Variants in DGKB observed in about 807,000 individuals in gnomAD.
The protein encoded by DGKB is 90 kDa diacylglycerol kinase.
A neutral mutation model predicts 114.3 loss-of-function variants in DGKB; 67 were observed. That is an observed-to-expected ratio of 0.59 (90% CI 0.48 to 0.72). DGKB has a LOEUF of 0.72. Ranked by LOEUF, DGKB falls within the 30% of genes least tolerant of loss-of-function variation. The pLI is 0.00. For missense variants in DGKB, 907 were observed against 975.2 expected (o/e 0.93, Z 0.93); for synonymous variants, 398 against 323.1 (o/e 1.23, Z -2.49).
chr7:14,803,695 T>C (rs925991078), intron 2 of DGKB, among the ~76,000 whole-genome samples: 3 of 152,116 alleles, frequency 2.0e-5, no homozygotes, highest in Non-Finnish European at 4.4e-5. Flanking sequence ...TACTAAGATC[T>C]TTCCTCGTTC....
intron 1 of DGKB, among the ~76,000 whole-genome samples, chr7:14,900,665 A>T (rs1782878610): frequency 6.6e-6 from 1 of 152,264 alleles, no homozygotes. Context: ...TAAATTGTTA[A>T]AACAATTTAA....
At chr7:14,644,085 A>C (rs1812415722) in intron 13 of DGKB, among the ~76,000 whole-genome samples, 1 of 151,762 alleles carries the variant, frequency 6.6e-6, no homozygotes, top group African/African-American at 2.4e-5. Flanking sequence ...ACTACTGAGA[A>C]AATCACATAT....
chr7:14,963,635 A>G (rs1786987394), intron 1 of DGKB, among the ~76,000 whole-genome samples: 1 of 152,182 alleles, frequency 6.6e-6, no homozygotes, highest in South Asian at 2.1e-4. Context: ...CACTTACTAA[A>G]ATTCAGAGAC....
chr7:14,472,541 C>T lies in DGKB; in HGVS notation c.1835+5620G>A, dbSNP rs1781574484. On this transcript the variant is annotated intron_variant, in intron 21 of 25. Transcript: ENST00000402815. ...ACGGACTAATGCAATAAATTGGTACCAGTAGAATGGGGCACTGCTGAAAAG... is the reference window on the plus strand; with the variant it reads ...ACGGACTAATGCAATAAATTGGTACTAGTAGAATGGGGCACTGCTGAAAAG... Among the ~76,000 whole-genome samples the T allele has an allele frequency of 2.0e-5, 3 of 152,192 alleles. No homozygotes were observed. The South Asian group carries it at 6.2e-4, about 32-fold the overall frequency.
chr7:14,589,714 T>C (rs116667004), intron 17 of DGKB, among the ~76,000 whole-genome samples: 182 of 152,186 alleles, frequency 1.2e-3, no homozygotes, highest in African/African-American at 4.3e-3. Flanking sequence ...TTCTGCATTA[T>C]TAATCATTCT....
chr7:14,315,990 C>T (rs201655366), intron 23 of DGKB, among the ~76,000 whole-genome samples: 12,690 of 149,470 alleles, frequency 0.085, 606 homozygotes, highest in East Asian at 0.14. Context: ...CACTCAAAAC[C>T]GCTCAACTAC....
chr7:14,384,267 G>T (rs1421309542), intron 21 of DGKB, among the ~76,000 whole-genome samples: 1 of 152,058 alleles, frequency 6.6e-6, no homozygotes, highest in Non-Finnish European at 1.5e-5. Flanking sequence ...TTAAAATTCT[G>T]GACCTAAAAT....
At chr7:14,230,423 A>G (rs1257369011) in intron 23 of DGKB, among the ~76,000 whole-genome samples, 6 of 151,998 alleles carry the variant, frequency 3.9e-5, no homozygotes, top group Admixed American at 3.9e-4. Context: ...AAAATGGTGT[A>G]TGTTTTCAAA....
intron 20 of DGKB, among the ~76,000 whole-genome samples, chr7:14,544,188 T>C (rs889671835): frequency 7.2e-5 from 11 of 152,280 alleles, no homozygotes; most frequent in African/African-American, 2.6e-4. Context: ...GCTGTTGTCA[T>C]TGTTCTGTTT....
intron 23 of DGKB, among the ~76,000 whole-genome samples, chr7:14,280,689 G>A (rs1799803322): frequency 6.6e-6 from 1 of 150,924 alleles, no homozygotes; most frequent in East Asian, 2.0e-4. Flanking sequence ...AGCCAGAAGA[G>A]AGTGGGGGCC....
chr7:14,733,778 G>GAAGA (rs1554627823), intron 5 of DGKB, among the ~76,000 whole-genome samples: 80 of 145,236 alleles, frequency 5.5e-4, no homozygotes, highest in African/African-American at 1.9e-3. Flanking sequence ...AGAAAGAAAG[G>GAAGA]AAGAAAGAAA....
intron 23 of DGKB, among the ~76,000 whole-genome samples, chr7:14,329,069 C>G (rs1809255608): frequency 6.6e-6 from 1 of 151,940 alleles, no homozygotes; most frequent in Non-Finnish European, 1.5e-5. Flanking sequence ...CAAGGAGCTA[C>G]TATTCACATG....
intron 20 of DGKB, among the ~76,000 whole-genome samples, chr7:14,564,429 T>C (rs918203270): frequency 1.1e-4 from 17 of 152,108 alleles, no homozygotes; most frequent in African/African-American, 3.6e-4. Context: ...TGAGTCTGGT[T>C]TTGCATTATC....
intron 21 of DGKB, among the ~76,000 whole-genome samples, chr7:14,477,728 T>G (rs1782395562): frequency 6.6e-6 from 1 of 152,188 alleles, no homozygotes; most frequent in South Asian, 2.1e-4. Context: ...TAATTTCTTT[T>G]GATTTAGTTT....
At chr7:14,915,323 A>G (rs1474043831) in intron 1 of DGKB, among the ~76,000 whole-genome samples, 1 of 152,166 alleles carries the variant, frequency 6.6e-6, no homozygotes, top group Non-Finnish European at 1.5e-5. Context: ...GGCTTCAGTG[A>G]GCTATGATCA....
At chr7:14,732,641 G>A (rs1004067610) in intron 5 of DGKB, among the ~76,000 whole-genome samples, 1 of 152,120 alleles carries the variant, frequency 6.6e-6, no homozygotes, top group Non-Finnish European at 1.5e-5. Context: ...GCTTTGAAAA[G>A]GAATCAGAGT....
Position 14,691,807 on chromosome 7 carries a change from C to A in DGKB, c.711+2268G>T, listed in dbSNP as rs925807558. Among the ~76,000 whole-genome samples, 3 of 151,386 alleles carry A rather than the reference C, an allele frequency of 2.0e-5. No individual in the cohort carries two copies. In the Admixed American group the frequency reaches 2.0e-4, roughly 10 times the overall value. On this transcript the variant is annotated intron_variant, in intron 9 of 25. Transcript: ENST00000402815. The stretch of plus-strand genomic sequence containing the variant: ...TGGTCTCTTGAGATTAAATAAGGTG[C>A]CTCTGCCATCTAGCGGCCGTCACTG...
chr7:14,704,258 AC>A (rs1401374841), intron 6 of DGKB, among the ~76,000 whole-genome samples: 1 of 140,930 alleles, frequency 7.1e-6, no homozygotes, highest in Non-Finnish European at 1.5e-5. Context: ...ACACGGTGAA[AC>A]CCCGTCTCTA....
chr7:14,470,958 T>C (rs1200465326), intron 21 of DGKB, among the ~76,000 whole-genome samples: 2 of 151,386 alleles, frequency 1.3e-5, no homozygotes, highest in Admixed American at 1.3e-4. Context: ...GGCTTTGATA[T>C]AGCATTTTTC....
Sources: allele counts gnomAD v4.1 joint callset (sites outside exome capture counted in the v4.1 genomes callset), GRCh38; gene constraint gnomAD v4.1.1; transcripts MANE v1.5; gene names NCBI Gene and HGNC (gene_info 2026-07-23, HGNC 2026-07-21).